Variants in ADGRL2 observed in about 807,000 individuals in gnomAD.
ADGRL2 encodes adhesion G protein-coupled receptor L2.
ADGRL2 carries 44 observed loss-of-function variants against 157.4 expected under a neutral mutation model. That is an observed-to-expected ratio of 0.28 (90% CI 0.22 to 0.36). The LOEUF (loss-of-function observed/expected upper bound fraction) is 0.36, where lower values mean the gene tolerates loss of function less well. ADGRL2 is among the 10% of genes least tolerant of loss of function. ADGRL2 has a pLI of 1.00. For missense variants in ADGRL2, 1,510 were observed against 1,768.9 expected (o/e 0.85, Z 2.63); for synonymous variants, 585 against 624.7 (o/e 0.94, Z 0.95).
At position 81,710,688 on chromosome 1, in the gene ADGRL2, G is replaced by A. The variant is rs191807827; in HGVS notation, c.-143+10880G>A. On this transcript the variant is annotated intron_variant, in intron 1 of 20. Coordinates refer to the ADGRL2 transcript ENST00000359929. Reference sequence around the variant, plus strand: ...AGTTACATCTCTCAGTATTTACCACGTTAGAAATTAAAATGAGAAATTTAA... The same window carrying A: ...AGTTACATCTCTCAGTATTTACCACATTAGAAATTAAAATGAGAAATTTAA... 9.3e-4 allele frequency among the ~76,000 whole-genome samples: 137 copies of A among 147,674 alleles called. 1 individual carries two copies. Among genetic ancestry groups the A allele is most frequent in the Admixed American group, 8.0e-3 (117 of 14,598 alleles).
At chr1:81,700,564 G>T (rs578034290) in intron 1 of ADGRL2, among the ~76,000 whole-genome samples, 1 of 152,304 alleles carries the variant, frequency 6.6e-6, no homozygotes, top group African/African-American at 2.4e-5. Context: ...TTTAAAGTTT[G>T]ATGAATTGTT....
intron 1 of ADGRL2, among the ~76,000 whole-genome samples, chr1:81,361,119 A>C (rs1047785904): frequency 1.2e-4 from 18 of 152,022 alleles, no homozygotes; most frequent in African/African-American, 4.3e-4. Context: ...AAAAGAAAGA[A>C]AACAAACCAC....
At chr1:81,985,507 T>C in intron 21 of ADGRL2, 152 bp downstream of exon 21, 1 of 490,536 alleles carries the variant, frequency 2.0e-6, no homozygotes, top group South Asian at 3.3e-5. Flanking sequence ...TTGCCACAGA[T>C]TAAAAATATT....
At chr1:81,624,396 C>G (rs1158987773) in intron 3 of ADGRL2, among the ~76,000 whole-genome samples, 1 of 151,914 alleles carries the variant, frequency 6.6e-6, no homozygotes, top group African/African-American at 2.4e-5. Flanking sequence ...GCCTGGCCAA[C>G]AAGGTGAAAC....
chr1:81,444,021 C>A (rs2077555618), intron 1 of ADGRL2, among the ~76,000 whole-genome samples: 1 of 152,120 alleles, frequency 6.6e-6, no homozygotes, highest in Non-Finnish European at 1.5e-5. Context: ...TGTCAGAGGA[C>A]AAGAAAAGGT....
At chr1:81,483,573 C>T (rs1260027766) in intron 2 of ADGRL2, among the ~76,000 whole-genome samples, 1 of 152,034 alleles carries the variant, frequency 6.6e-6, no homozygotes, top group Admixed American at 6.6e-5. Flanking sequence ...ATATATATTT[C>T]CCCCAGAAGC....
At chr1:81,869,546 C>T (rs1244358200) in intron 2 of ADGRL2, among the ~76,000 whole-genome samples, 1 of 151,944 alleles carries the variant, frequency 6.6e-6, no homozygotes, top group Non-Finnish European at 1.5e-5. Context: ...ACTAAGTAGA[C>T]ACATAAAAAC....
chr1:81,563,623 CTTTTT>C (rs200916602), intron 2 of ADGRL2, among the ~76,000 whole-genome samples: 3 of 152,034 alleles, frequency 2.0e-5, no homozygotes, highest in African/African-American at 7.2e-5. Flanking sequence ...AAAACTCACT[CTTTTT>C]TTGTTTTTCA....
At chr1:81,590,789 T>C (rs2081117398) in intron 3 of ADGRL2, among the ~76,000 whole-genome samples, 2 of 152,146 alleles carry the variant, frequency 1.3e-5, no homozygotes, top group African/African-American at 4.8e-5. Flanking sequence ...TCATTTCATG[T>C]GACCCATTAC....
intron 1 of ADGRL2, among the ~76,000 whole-genome samples, chr1:81,426,127 T>C (rs1334711365): frequency 6.6e-6 from 1 of 152,112 alleles, no homozygotes; most frequent in Non-Finnish European, 1.5e-5. Context: ...ATGGACAAGT[T>C]TGATGAAGAA....
At chr1:81,448,233 C>A (rs1269948417) in intron 2 of ADGRL2, among the ~76,000 whole-genome samples, 3 of 146,570 alleles carry the variant, frequency 2.0e-5, no homozygotes, top group Non-Finnish European at 4.5e-5. Flanking sequence ...CAATCTCTGC[C>A]TCCCAGGTTC....
intron 3 of ADGRL2, among the ~76,000 whole-genome samples, chr1:81,654,241 C>T (rs2082482799): frequency 6.6e-6 from 1 of 152,238 alleles, no homozygotes; most frequent in Non-Finnish European, 1.5e-5. Flanking sequence ...CCACCACACC[C>T]AGCCTCCGCT....
intron 8 of ADGRL2, among the ~76,000 whole-genome samples, chr1:81,951,594 TA>T (rs1651818832): frequency 6.6e-6 from 1 of 152,170 alleles, no homozygotes; most frequent in African/African-American, 2.4e-5. Flanking sequence ...CATCAGATAA[TA>T]ACCCTCAGTA....
intron 1 of ADGRL2, among the ~76,000 whole-genome samples, chr1:81,420,557 CT>C (rs2077106693): frequency 6.6e-6 from 1 of 152,150 alleles, no homozygotes; most frequent in Non-Finnish European, 1.5e-5. Flanking sequence ...TCTCAGGATT[CT>C]TTTGATAATG....
At chr1:81,938,596 A>G (rs1349124140) in intron 4 of ADGRL2, among the ~76,000 whole-genome samples, 1 of 151,738 alleles carries the variant, frequency 6.6e-6, no homozygotes, top group Non-Finnish European at 1.5e-5. Flanking sequence ...ATTTAAAAAA[A>G]TCAGTAATTA....
intron 3 of ADGRL2, among the ~76,000 whole-genome samples, chr1:81,666,600 G>A (rs2148898847): frequency 6.6e-6 from 1 of 152,184 alleles, no homozygotes; most frequent in Admixed American, 6.6e-5. Context: ...TCTCTAAGGG[G>A]GCCTGATGTA....
At chr1:81,816,449 A>T (rs1358618172) in intron 1 of ADGRL2, among the ~76,000 whole-genome samples, 1 of 151,840 alleles carries the variant, frequency 6.6e-6, no homozygotes, top group Non-Finnish European at 1.5e-5. Flanking sequence ...ATGTTTTAAT[A>T]GTTTGATATT....
intron 2 of ADGRL2, among the ~76,000 whole-genome samples, chr1:81,450,085 T>C (rs1298691909): frequency 6.6e-6 from 1 of 152,160 alleles, no homozygotes; most frequent in Admixed American, 6.5e-5. Flanking sequence ...ATGCTCAAAG[T>C]GAACCAGTTG....
intron 3 of ADGRL2, among the ~76,000 whole-genome samples, chr1:81,644,988 T>C (rs930349275): frequency 2.0e-5 from 3 of 152,204 alleles, no homozygotes; most frequent in Admixed American, 2.0e-4. Flanking sequence ...AGTCCATTGA[T>C]TGGTATTTAG....
Sources: allele counts gnomAD v4.1 joint callset (sites outside exome capture counted in the v4.1 genomes callset), GRCh38; gene constraint gnomAD v4.1.1; transcripts MANE v1.5; gene names NCBI Gene and HGNC (gene_info 2026-07-23, HGNC 2026-07-21).